TANGO6: variants seen among roughly 807,000 people sequenced by gnomAD.
The protein encoded by TANGO6 is transport and golgi organization 6 homolog, also known as transport and Golgi organization protein 6 homolog.
In TANGO6, 90 loss-of-function variants were observed where a neutral mutation model predicts 114.2. That is an observed-to-expected ratio of 0.79 (90% CI 0.66 to 0.94). TANGO6 has a LOEUF of 0.94. Among genes scored for constraint, TANGO6 ranks in the 40% least tolerant of loss-of-function variants. The pLI, the probability that TANGO6 is intolerant of heterozygous loss-of-function variation, is 0.00. For synonymous variants in TANGO6, 477 were observed against 509.8 expected (o/e 0.94, Z 0.87); for missense variants, 1,274 against 1,315.3 (o/e 0.97, Z 0.49).
intron 4 of TANGO6, among the ~76,000 whole-genome samples, chr16:68,870,642 C>A (rs1178005759): frequency 2.0e-5 from 3 of 152,098 alleles, no homozygotes; most frequent in Non-Finnish European, 4.4e-5. Flanking sequence ...TACCTTGTTT[C>A]TTTCCCAAAA....
At chr16:68,964,532 C>T (rs1229588846) in intron 14 of TANGO6, among the ~76,000 whole-genome samples, 1 of 149,298 alleles carries the variant, frequency 6.7e-6, no homozygotes, top group African/African-American at 2.5e-5. Flanking sequence ...TCTTAGAATT[C>T]ATTTCATGAC....
intron 2 of TANGO6, among the ~76,000 whole-genome samples, chr16:68,862,519 G>A (rs1962111258): frequency 6.6e-6 from 1 of 152,164 alleles, no homozygotes; most frequent in Middle Eastern, 3.2e-3. Context: ...GTGCTCTTCA[G>A]AATTAGACAC....
intron 14 of TANGO6, among the ~76,000 whole-genome samples, chr16:68,950,612 G>C (rs1444844931): frequency 2.0e-5 from 3 of 151,518 alleles, no homozygotes; most frequent in Admixed American, 6.6e-5. Flanking sequence ...TGTAGTCCCA[G>C]CACTTTGGGA....
intron 17 of TANGO6, among the ~76,000 whole-genome samples, chr16:69,054,456 G>A (rs764096439): frequency 1.8e-4 from 27 of 152,170 alleles, no homozygotes; most frequent in Admixed American, 1.2e-3. Context: ...TCTGTGGTAC[G>A]TTAGGCCTGC....
intron 14 of TANGO6, among the ~76,000 whole-genome samples, chr16:68,936,286 A>G (rs566293028): frequency 2.9e-4 from 44 of 152,332 alleles, no homozygotes; most frequent in African/African-American, 9.9e-4. Context: ...GATGTTCAAT[A>G]ATGAGTATGA....
In TANGO6 at chr16:68,895,917, T is replaced by C. The variant is rs185588924; in HGVS notation, c.1378-4517T>C. Among the ~76,000 whole-genome samples the C allele has an allele frequency of 1.6e-3, 236 of 152,254 alleles. 2 individuals are homozygous for C. Among genetic ancestry groups the C allele is most frequent in the Admixed American group, 0.014 (207 of 15,292 alleles). On this transcript the variant is annotated intron_variant, in intron 7 of 17. Coordinates refer to ENST00000261778, the MANE Select transcript of TANGO6 (RefSeq NM_024562.2). ...ATTTTGATTATTGTTTTTAGATGAC[T>C]AGTCCAAAACTTTTTAATTTTAATT...
intron 14 of TANGO6, among the ~76,000 whole-genome samples, chr16:68,938,692 C>T (rs1963322003): frequency 1.3e-5 from 2 of 152,070 alleles, no homozygotes; most frequent in Admixed American, 1.3e-4. Flanking sequence ...CTGGTTGTCT[C>T]TGTCCCACAT....
intron 14 of TANGO6, among the ~76,000 whole-genome samples, chr16:68,972,279 G>A (rs1963714317): frequency 1.3e-5 from 2 of 152,076 alleles, no homozygotes; most frequent in Admixed American, 1.3e-4. Context: ...GCAGACAGGT[G>A]CAGCCCTCAG....
intron 7 of TANGO6, among the ~76,000 whole-genome samples, chr16:68,892,355 G>A (rs1448776211): frequency 6.6e-6 from 1 of 152,168 alleles, no homozygotes; most frequent in African/African-American, 2.4e-5. Context: ...AGGAAGAAAT[G>A]TGGAAATCCC....
At chr16:68,998,527 C>T (rs2152220281) in intron 15 of TANGO6, among the ~76,000 whole-genome samples, 1 of 151,976 alleles carries the variant, frequency 6.6e-6, no homozygotes, top group Admixed American at 6.6e-5. Context: ...GTGAGGAGTT[C>T]GAGACCAGCC....
rs148766036 is a variant in TANGO6 at position 69,082,292 on chromosome 16, C to T, written c.3109-1193C>T. ...CAAATTTTTGTATTTTTGGTAGAGACAGGGTTTCACCATGTTGGCCAGGCT... is the reference window on the plus strand; with the variant it reads ...CAAATTTTTGTATTTTTGGTAGAGATAGGGTTTCACCATGTTGGCCAGGCT... On this transcript the variant is annotated intron_variant, in intron 17 of 17. Coordinates refer to ENST00000261778, the MANE Select transcript of TANGO6 (RefSeq NM_024562.2). Among the ~76,000 whole-genome samples the T allele has an allele frequency of 6.0e-3, 907 of 151,610 alleles. 11 individuals are homozygous for T. The highest frequency in any genetic ancestry group is 0.02 in the African/African-American group (834 of 41,360).
intron 14 of TANGO6, among the ~76,000 whole-genome samples, chr16:68,942,287 A>C (rs1318956916): frequency 1.3e-5 from 2 of 151,756 alleles, no homozygotes; most frequent in African/African-American, 2.4e-5. Flanking sequence ...ATGCCACTGC[A>C]CTCCAGCCTG....
chr16:68,994,742 T>G (rs1963975895), intron 15 of TANGO6, among the ~76,000 whole-genome samples: 1 of 151,756 alleles, frequency 6.6e-6, no homozygotes, highest in East Asian at 1.9e-4. Context: ...GTCCAGCTAA[T>G]TTAAAAAAAA....
intron 11 of TANGO6, among the ~76,000 whole-genome samples, chr16:68,914,759 G>A (rs1962974878): frequency 6.6e-6 from 1 of 152,114 alleles, no homozygotes; most frequent in Non-Finnish European, 1.5e-5. Flanking sequence ...GTAGGGGGAG[G>A]AGCTGCTGTC....
chr16:68,942,952 T>A (rs968744157), intron 14 of TANGO6, among the ~76,000 whole-genome samples: 2 of 151,024 alleles, frequency 1.3e-5, no homozygotes, highest in African/African-American at 2.4e-5. Context: ...CAGGCTGAAG[T>A]GCAGTGGCAC....
intron 15 of TANGO6, among the ~76,000 whole-genome samples, chr16:68,996,319 C>G (rs980593331): frequency 5.3e-5 from 8 of 152,150 alleles, no homozygotes; most frequent in African/African-American, 1.9e-4. Flanking sequence ...CCATGTCAAT[C>G]TAATTTCCTT....
At chr16:68,968,669 A>ATT (rs1173517416) in intron 14 of TANGO6, among the ~76,000 whole-genome samples, 2,713 of 109,194 alleles carry the variant, frequency 0.025, 58 homozygotes, top group African/African-American at 0.031. Context: ...CCAGCCTAGC[A>ATT]TTTTTTTTTT....
chr16:68,861,770 C>T (rs1309127865), intron 2 of TANGO6, among the ~76,000 whole-genome samples: 5 of 152,242 alleles, frequency 3.3e-5, no homozygotes. Flanking sequence ...CTAAGTAGCA[C>T]CCATACCTCA....
In TANGO6 at chr16:69,037,305, G is replaced by C. The variant is rs1478593981; in HGVS notation, c.2995-3003G>C. Among the ~76,000 whole-genome samples the C allele has an allele frequency of 2.0e-5, 3 of 152,142 alleles. No homozygotes were observed. In the South Asian group the frequency reaches 6.2e-4, roughly 32 times the overall value. ...AAGCATGACCCGCTCAGCAAAGAGA[G>C]GCAGGACAGAGGTGACAAAGGCAGA... On this transcript the variant is annotated intron_variant, in intron 16 of 17. Coordinates refer to ENST00000261778, the MANE Select transcript of TANGO6 (RefSeq NM_024562.2).
Sources: gnomAD v4.1 joint callset for allele counts (sites outside exome capture counted in the v4.1 genomes callset) on GRCh38, gnomAD v4.1.1 for gene constraint, MANE v1.5 for transcripts, NCBI Gene and HGNC (gene_info 2026-07-23, HGNC 2026-07-21) for gene names.